The following DUS2 variants were observed in gnomAD, a reference collection of about 807,000 sequenced individuals.
DUS2 encodes the protein dihydrouridine synthase 2, also known as tRNA-dihydrouridine(20) synthase [NAD(P)+]-like.
DUS2 carries 52 observed loss-of-function variants against 71.3 expected under a neutral mutation model. The observed-to-expected ratio is 0.73, with a 90% CI of 0.58 to 0.92. DUS2 has a LOEUF of 0.92. DUS2 is among the 40% of genes least tolerant of loss of function. The pLI, the probability that DUS2 is intolerant of heterozygous loss-of-function variation, is 0.00. For missense variants in DUS2, 558 were observed against 622.6 expected (o/e 0.90, Z 1.10); for synonymous variants, 204 against 227.8 (o/e 0.90, Z 0.94).
rs1480227251 is a variant in DUS2, at chr16:68,038,243, A to G, written c.126+94A>G. 6 of 1,536,874 alleles carry G rather than the reference A, an allele frequency of 3.9e-6. No individual in the cohort carries two copies. In the Admixed American group the frequency reaches 1.0e-4, roughly 26 times the overall value. ...GTGGTCAGGAGTTAGTGGGGACAGA[A>G]TGGGAATTGACTTTATAGGTGTTCA... On this transcript the variant is annotated intron_variant, in intron 3 of 16. Coordinates refer to ENST00000565263, the MANE Select transcript of DUS2 (RefSeq NM_017803.5).
intron 8 of DUS2, 75 bp downstream of exon 8, chr16:68,061,188 C>T: frequency 2.1e-6 from 3 of 1,444,626 alleles, no homozygotes; most frequent in South Asian, 1.2e-5. Flanking sequence ...CGCCTCCTTC[C>T]ACCAATACCA....
At chr16:68,068,899 C>A (rs113399107) in intron 10 of DUS2, among the ~76,000 whole-genome samples, 12 of 152,092 alleles carry the variant, frequency 7.9e-5, no homozygotes, top group African/African-American at 2.9e-4. Flanking sequence ...CATGCCAAGC[C>A]AGTATTCTCT....
chr16:68,071,406 A>T (rs2034085244), intron 12 of DUS2, among the ~76,000 whole-genome samples: 1 of 152,124 alleles, frequency 6.6e-6, no homozygotes, highest in African/African-American at 2.4e-5. Context: ...CACATGATAT[A>T]TATCTTTCTT....
chr16:68,048,895 G>A (rs771910602), intron 3 of DUS2, among the ~76,000 whole-genome samples: 9 of 152,008 alleles, frequency 5.9e-5, no homozygotes, highest in Non-Finnish European at 1.0e-4. Context: ...GCACATAGGA[G>A]GTTTTCTTCC....
intron 3 of DUS2, among the ~76,000 whole-genome samples, chr16:68,046,226 G>A (rs1301988627): frequency 6.6e-6 from 1 of 152,074 alleles, no homozygotes; most frequent in African/African-American, 2.4e-5. Context: ...AGTCTCCGGT[G>A]TCTGTTGTTC....
At chr16:68,054,304 T>G (rs1598309626) in intron 5 of DUS2, among the ~76,000 whole-genome samples, 1 of 152,212 alleles carries the variant, frequency 6.6e-6, no homozygotes, top group East Asian at 1.9e-4. Context: ...AAATGGTGAG[T>G]GTTTGAATGG....
At chr16:68,073,264 ATTTATT>A (rs1479703090) in intron 12 of DUS2, among the ~76,000 whole-genome samples, 1 of 152,014 alleles carries the variant, frequency 6.6e-6, no homozygotes, top group Non-Finnish European at 1.5e-5. Context: ...TGGCTTTTTA[ATTTATT>A]TTTATTTTTA....
intron 2 of DUS2, among the ~76,000 whole-genome samples, chr16:68,029,447 C>T (rs952285701): frequency 6.6e-6 from 1 of 151,720 alleles, no homozygotes; most frequent in Non-Finnish European, 1.5e-5. Flanking sequence ...GGTGTATTTA[C>T]ACTTTTTTTA....
chr16:68,057,945 C>T (rs1478381622), intron 7 of DUS2, among the ~76,000 whole-genome samples: 1 of 149,282 alleles, frequency 6.7e-6, no homozygotes, highest in African/African-American at 2.5e-5. Flanking sequence ...CAGAAGAGAT[C>T]AGACTATGGT....
chr16:68,069,455 G>A (rs187458520), intron 10 of DUS2, among the ~76,000 whole-genome samples: 84 of 152,282 alleles, frequency 5.5e-4, no homozygotes, highest in African/African-American at 1.9e-3. Flanking sequence ...AGGGCTATCT[G>A]GTCGACCGTC....
Position 68,079,095 on chromosome 16 carries a change from G to A in DUS2, c.*109G>A, listed in dbSNP as rs1466279282. On this transcript the variant is annotated 3_prime_UTR_variant, in exon 17 of 17. Coordinates refer to ENST00000565263, the MANE Select transcript of DUS2 (RefSeq NM_017803.5). ...AACAGTTTGCTGGTCTTGCCTGGCA[G>A]AAGTTAGATGTCCTGGCAGGGGCCA... The A allele has an allele frequency of 7.6e-6, 8 of 1,051,112 alleles. No homozygotes were observed. The African/African-American group carries it at 9.5e-5, about 13-fold the overall frequency. The allele number at this position is 1,051,112 out of a possible 1,614,324, so 65.1% of individuals were successfully genotyped here.
chr16:68,040,076 A>G (rs1045589679), intron 3 of DUS2, among the ~76,000 whole-genome samples: 2 of 150,786 alleles, frequency 1.3e-5, no homozygotes, highest in African/African-American at 4.9e-5. Flanking sequence ...GAGGACAGGA[A>G]TCTTTTTTTT....
chr16:68,066,182 C>T (rs2034002230), intron 8 of DUS2, 135 bp from the exon 9 acceptor site: 5 of 804,316 alleles, frequency 6.2e-6, no homozygotes, highest in Non-Finnish European at 1.1e-5. Flanking sequence ...GTGTAACAGA[C>T]ACACACATGC....
At chr16:68,025,998 G>A (rs2033343403) in intron 2 of DUS2, among the ~76,000 whole-genome samples, 1 of 152,040 alleles carries the variant, frequency 6.6e-6, no homozygotes, top group African/African-American at 2.4e-5. Context: ...TAATTGATTT[G>A]GGTTAAGGCC....
intron 3 of DUS2, among the ~76,000 whole-genome samples, chr16:68,041,155 G>T (rs575002656): frequency 6.6e-6 from 1 of 152,204 alleles, no homozygotes; most frequent in East Asian, 1.9e-4. Flanking sequence ...GAACCTGGGA[G>T]GCAGAGGTTG....
rs770302263 is a variant in DUS2, at chr16:68,078,769, C to T, written c.1265C>T (p.Ala422Val). The change falls in exon 17 of 17, where the codon GCG becomes GTG. Residue 422 changes from alanine to valine, a missense_variant. Transcript: ENST00000565263. ...CTCAGGGACAAGTCCAAGAAACTGG[C>T]GGAGCAGGCTGCAGCCATCGTCTGT... ...STLWDKSKKLAEQAAAIVCLR... is the reference protein window; with the variant it reads ...STLWDKSKKLVEQAAAIVCLR... 1.4e-5 allele frequency: 22 copies of T among 1,608,852 alleles called. No homozygotes were observed. The highest frequency in any genetic ancestry group is 5.0e-5 in the Admixed American group (3 of 59,784).
intron 2 of DUS2, among the ~76,000 whole-genome samples, chr16:68,036,194 T>C (rs898550768): frequency 6.0e-5 from 9 of 149,210 alleles, no homozygotes; most frequent in South Asian, 4.2e-4. Context: ...AGAGTCTTGC[T>C]CTGTCGCCCA....
intron 2 of DUS2, among the ~76,000 whole-genome samples, chr16:68,026,191 A>G (rs1391946880): frequency 6.6e-6 from 1 of 152,074 alleles, no homozygotes; most frequent in Non-Finnish European, 1.5e-5. Flanking sequence ...AGGTTTTGCC[A>G]TTTTGACCAG....
At position 68,055,877 on chromosome 16, in the gene DUS2, A is replaced by G. The variant is rs532672405; in HGVS notation, c.309-487A>G. ...AATTACTTTTGCACCAACCTAATACATACCAGAGGACGGAGTGAGGATTCT... is the reference window on the plus strand; with the variant it reads ...AATTACTTTTGCACCAACCTAATACGTACCAGAGGACGGAGTGAGGATTCT... On this transcript the variant is annotated intron_variant, in intron 6 of 16. Coordinates refer to ENST00000565263, the MANE Select transcript of DUS2 (RefSeq NM_017803.5). Among the ~76,000 whole-genome samples the G allele has an allele frequency of 4.6e-5, 7 of 151,056 alleles. No individual in the cohort carries two copies. The East Asian group carries it at 1.2e-3, about 25-fold the overall frequency.
Sources: gnomAD v4.1 joint callset for allele counts (sites outside exome capture counted in the v4.1 genomes callset) on GRCh38, gnomAD v4.1.1 for gene constraint, MANE v1.5 for transcripts, NCBI Gene and HGNC (gene_info 2026-07-23, HGNC 2026-07-21) for gene names.